MTA1: variants seen among roughly 807,000 people sequenced by gnomAD.
MTA1 encodes metastasis-associated protein MTA1.
Under a neutral mutation model 97.0 loss-of-function variants are expected in MTA1, and 15 were observed. The ratio of observed to expected loss-of-function variants is 0.15; its 90% CI spans 0.10 to 0.24. The LOEUF (loss-of-function observed/expected upper bound fraction) is 0.24. MTA1 is among the 10% of genes least tolerant of loss of function. The pLI is 1.00. For missense variants in MTA1, 709 were observed against 1,015.1 expected (o/e 0.70, Z 4.10); for synonymous variants, 435 against 417.5 (o/e 1.04, Z -0.51).
At chr14:105,421,197 G>T (rs2081822954) in intron 1 of MTA1, among the ~76,000 whole-genome samples, 1 of 152,162 alleles carries the variant, frequency 6.6e-6, no homozygotes, top group Non-Finnish European at 1.5e-5. Context: ...TCTCAGAGGG[G>T]CGGTGGGCCT....
In MTA1 at chr14:105,422,067, C is replaced by T. The variant is rs1217311472; in HGVS notation, c.28+2004C>T. Reference sequence around the variant, plus strand: ...GCCACGCGTGGGATCCAGACTGCTTCTGCGTGTGCAGTCCGTGGTCACTGT... The same window carrying T: ...GCCACGCGTGGGATCCAGACTGCTTTTGCGTGTGCAGTCCGTGGTCACTGT... On this transcript the variant is annotated intron_variant, in intron 1 of 20. Coordinates refer to ENST00000331320, the MANE Select transcript of MTA1 (RefSeq NM_004689.4). This position sits in a 1 kb window ranked among gnomAD's most constrained non-coding sequence, Gnocchi z 4.3. Among the ~76,000 whole-genome samples, 1 of 152,222 alleles carries T rather than the reference C, an allele frequency of 6.6e-6. No individual in the cohort carries two copies. The highest frequency in any genetic ancestry group is 1.5e-5 in the Non-Finnish European group (1 of 68,040).
chr14:105,448,313 G>A (rs1555427737), intron 3 of MTA1, among the ~76,000 whole-genome samples: 3 of 152,152 alleles, frequency 2.0e-5, no homozygotes, highest in African/African-American at 7.2e-5. Flanking sequence ...GGTCTTCTGA[G>A]GAGCTGTAGG....
chr14:105,465,009 G>A (rs929572525), intron 15 of MTA1, 85 bp from the exon 16 acceptor site: 5 of 1,428,186 alleles, frequency 3.5e-6, no homozygotes, highest in Admixed American at 2.6e-5. Flanking sequence ...GCCGAGCCCA[G>A]TGAGGGCTCC....
At chr14:105,427,814 G>A (rs1389165560) in intron 1 of MTA1, among the ~76,000 whole-genome samples, 4 of 152,010 alleles carry the variant, frequency 2.6e-5, no homozygotes, top group African/African-American at 9.7e-5. Flanking sequence ...GAGCTCAGGA[G>A]TTTGAGACCA....
rs1304782810 is a variant in MTA1, at chr14:105,470,157, C to CGCCGCG, written c.2094_2099dup (p.Arg699_Pro700dup). On this transcript the variant is annotated inframe_insertion, in exon 21 of 21. Transcript: ENST00000331320. ...GCCCTGCGCCAGAGCCAGGCCCTGC[C>CGCCGCG]GCCGCGGCCACCGCCACCTGCGCCC... 6.2e-7 allele frequency: 1 copy of CGCCGCG among 1,610,250 alleles called. No homozygotes were observed. The highest frequency in any genetic ancestry group is 8.5e-7 in the Non-Finnish European group (1 of 1,178,756).
Position 105,436,690 on chromosome 14 carries a change from G to A in MTA1, c.29-1982G>A, listed in dbSNP as rs587771811. 2.0e-5 allele frequency among the ~76,000 whole-genome samples: 3 copies of A among 152,262 alleles called. No homozygotes were observed. The South Asian group carries it at 6.2e-4, about 32-fold the overall frequency. ...TCTTCCATCAAGTGGATGGACCCCA[G>A]CTTGTTTGTCTTTCCTCACTTAAGG... On this transcript the variant is annotated intron_variant, in intron 1 of 20. Transcript: ENST00000331320.
At chr14:105,423,883 C>T (rs782772001) in intron 1 of MTA1, among the ~76,000 whole-genome samples, 17 of 152,246 alleles carry the variant, frequency 1.1e-4, no homozygotes, top group Non-Finnish European at 1.9e-4. Flanking sequence ...GCCGCCCTAC[C>T]CTGGAGTGCT....
chr14:105,446,284 A>G (rs1398781805), intron 3 of MTA1, among the ~76,000 whole-genome samples: 2 of 152,106 alleles, frequency 1.3e-5, no homozygotes, highest in East Asian at 3.9e-4. Context: ...CATGAGGGGC[A>G]TTTTTGGCTT....
intron 7 of MTA1, among the ~76,000 whole-genome samples, chr14:105,456,761 T>G (rs1425150122): frequency 6.6e-6 from 1 of 152,212 alleles, no homozygotes; most frequent in Non-Finnish European, 1.5e-5. Context: ...GTCAGGGAGC[T>G]AGGCCCCAGC....
intron 1 of MTA1, among the ~76,000 whole-genome samples, chr14:105,435,733 G>A (rs28665678): frequency 0.04 from 6,159 of 152,220 alleles, 405 homozygotes; most frequent in African/African-American, 0.14. Context: ...GTATGGATAG[G>A]GTTACCTGTT....
Position 105,460,813 on chromosome 14 carries a change from G to T in MTA1, c.802G>T (p.Ala268Ser). ...CAAGAACATCTACGACATCTCCAAG[G>T]CCATCTCGGCGCTGGTGCCGCAGGG... Reference protein sequence around the residue: ...LHKNIYDISKAISALVPQGGP... With the variant: ...LHKNIYDISKSISALVPQGGP... The change falls in exon 10 of 21, where the codon GCC (alanine) becomes TCC (serine). Residue 268 changes from alanine (A) to serine (S), a missense_variant. Physicochemically the swap from Ala to Ser is moderately conservative, Grantham distance 99 (BLOSUM62 1). Transcript: ENST00000331320. The T allele has an allele frequency of 6.2e-7, 1 of 1,610,594 alleles. No individual in the cohort carries two copies. The highest frequency in any genetic ancestry group is 8.5e-7 in the Non-Finnish European group (1 of 1,178,634).
intron 17 of MTA1, 35 bp downstream of exon 17, chr14:105,466,613 C>T (rs2083598942): frequency 1.3e-6 from 2 of 1,566,858 alleles, no homozygotes; most frequent in Admixed American, 1.8e-5. Flanking sequence ...GTGTGGCCCT[C>T]CCCGCCCGGT....
At chr14:105,466,100 A>T in intron 16 of MTA1, 1 of 335,268 alleles carries the variant, frequency 3.0e-6, no homozygotes, top group South Asian at 3.6e-5. Context: ...GGGCTGTTTA[A>T]TAGGCGTGCT....
intron 6 of MTA1, among the ~76,000 whole-genome samples, chr14:105,451,790 T>C (rs868973789): frequency 1.3e-4 from 18 of 140,624 alleles, no homozygotes; most frequent in Admixed American, 2.8e-4. Flanking sequence ...TTTGTTTTTT[T>C]TTTTTTTTTT....
At position 105,469,448 on chromosome 14, in the gene MTA1, C is replaced by T. The variant is rs2083737388; in HGVS notation, c.1814-19C>T. 1 of 1,612,828 alleles carries T rather than the reference C, an allele frequency of 6.2e-7. No individual in the cohort carries two copies. Among genetic ancestry groups the T allele is most frequent in the South Asian group, 1.1e-5 (1 of 91,084 alleles). The stretch of plus-strand genomic sequence containing the variant: ...CGCGCTCTCTCGGGGCCTCATTTCT[C>T]TCCTCCATTTCTCATCAGGTCTGGC... On this transcript the variant is annotated intron_variant, in intron 18 of 20. Transcript: ENST00000331320.
chr14:105,457,949 TAATATA>T (rs1191779786), intron 7 of MTA1, among the ~76,000 whole-genome samples: 4 of 150,804 alleles, frequency 2.7e-5, no homozygotes, highest in Non-Finnish European at 5.9e-5. Context: ...ATAATAATAA[TAATATA>T]AATAAATAAA....
chr14:105,470,089 C>T lies in MTA1; in HGVS notation c.2022C>T (p.Ser674=). The change falls in exon 21 of 21, where the codon TCC becomes TCT. Residue 674 remains serine (S), a synonymous_variant. Transcript: ENST00000331320. ...GGAAGATCCGCAAGCTGCTCTCATC[C>T]TCGGAAACCAAGCGTGCTGCCCGCC... ...ETRKIRKLLS[S]SETKRAARRP... 4 of 1,612,640 alleles carry T rather than the reference C, an allele frequency of 2.5e-6. No individual in the cohort carries two copies. The highest frequency in any genetic ancestry group is 3.4e-6 in the Non-Finnish European group (4 of 1,179,880).
At chr14:105,465,031 G>C in intron 15 of MTA1, 63 bp from the exon 16 acceptor site, 1 of 1,446,618 alleles carries the variant, frequency 6.9e-7, no homozygotes. Context: ...AGGTCAAGGC[G>C]CAGGCAGGGT....
At position 105,450,332 on chromosome 14, in the gene MTA1, C is replaced by T; in HGVS notation, c.432+8C>T. The T allele has an allele frequency of 6.3e-7, 1 of 1,598,714 alleles. No individual in the cohort carries two copies. The highest frequency in any genetic ancestry group is 8.6e-7 in the Non-Finnish European group (1 of 1,168,904). On this transcript the variant is annotated splice_region_variant and intron_variant, in intron 6 of 20. Transcript: ENST00000331320. ...TCCTACCTGGAGCGGGAGGTGAGGC[C>T]CAGCCCGGCCTGGTCTGCCGCAGCC...
Sources: gnomAD v4.1 joint callset for allele counts (sites outside exome capture counted in the v4.1 genomes callset) on GRCh38, gnomAD v4.1.1 for gene constraint, Gnocchi (gnomAD v3.1) non-coding constraint, MANE v1.5 for transcripts, NCBI Gene and HGNC (gene_info 2026-07-23, HGNC 2026-07-21) for gene names.